The following SKA2 variants were observed in gnomAD, a reference collection of about 807,000 sequenced individuals.
SKA2 encodes spindle and kinetochore-associated protein 2.
SKA2 carries 13 observed loss-of-function variants against 16.9 expected under a neutral mutation model. The observed-to-expected ratio is 0.77, with a 90% CI of 0.50 to 1.22. SKA2 has a LOEUF of 1.22. SKA2 is among the 50% of genes most tolerant of loss of function. SKA2 has a pLI of 0.00. For missense variants in SKA2, 107 were observed against 139.7 expected (o/e 0.77, Z 1.18); for synonymous variants, 47 against 48.5 (o/e 0.97, Z 0.13).
At chr17:59,150,585 A>C (rs887595679) in intron 1 of SKA2, among the ~76,000 whole-genome samples, 4 of 152,148 alleles carry the variant, frequency 2.6e-5, no homozygotes, top group Non-Finnish European at 4.4e-5. Context: ...AAAAATTTCA[A>C]GAAAATATTA....
chr17:59,122,249 G>A (rs1418598677), intron 2 of SKA2, among the ~76,000 whole-genome samples: 1 of 152,156 alleles, frequency 6.6e-6, no homozygotes, highest in East Asian at 1.9e-4. Flanking sequence ...CAAGGCGGGA[G>A]GATCGCTTGA....
At chr17:59,152,321 C>A (rs1256515879) in intron 1 of SKA2, among the ~76,000 whole-genome samples, 1 of 152,112 alleles carries the variant, frequency 6.6e-6, no homozygotes, top group Non-Finnish European at 1.5e-5. Context: ...TCCAATTCAA[C>A]TACTTAGTCG....
At chr17:59,140,347 G>T (rs1426592463) in intron 1 of SKA2, among the ~76,000 whole-genome samples, 1 of 151,956 alleles carries the variant, frequency 6.6e-6, no homozygotes, top group African/African-American at 2.4e-5. Flanking sequence ...TCCTGCCTCA[G>T]CCTCCCGAGT....
intron 3 of SKA2, among the ~76,000 whole-genome samples, chr17:59,115,257 C>T (rs1038691667): frequency 7.9e-5 from 12 of 151,876 alleles, no homozygotes; most frequent in African/African-American, 2.4e-4. Context: ...GGGGTTTCAC[C>T]GTGTTGGCCA....
At chr17:59,151,037 T>G in intron 1 of SKA2, 1 of 423,424 alleles carries the variant, frequency 2.4e-6, no homozygotes, top group Non-Finnish European at 4.8e-6. Flanking sequence ...GATATACTGT[T>G]AGTAACAACA....
chr17:59,141,643 G>A (rs2046490748), intron 1 of SKA2, among the ~76,000 whole-genome samples: 1 of 150,930 alleles, frequency 6.6e-6, no homozygotes, highest in Non-Finnish European at 1.5e-5. Flanking sequence ...AAATAGGCTT[G>A]AGCCCGGGAG....
chr17:59,146,440 A>C (rs2046533110), intron 1 of SKA2, among the ~76,000 whole-genome samples: 1 of 152,188 alleles, frequency 6.6e-6, no homozygotes, highest in African/African-American at 2.4e-5. Context: ...CGGAGGTTGC[A>C]GTGAGCCAAG....
At chr17:59,120,167 C>T (rs1452117597) in intron 2 of SKA2, among the ~76,000 whole-genome samples, 1 of 152,084 alleles carries the variant, frequency 6.6e-6, no homozygotes, top group African/African-American at 2.4e-5. Context: ...CTCAACCTCC[C>T]AAAGTGCTGG....
intron 1 of SKA2, among the ~76,000 whole-genome samples, chr17:59,144,197 A>G (rs2046514250): frequency 1.3e-5 from 2 of 151,974 alleles, no homozygotes; most frequent in African/African-American, 4.8e-5. Flanking sequence ...ATCTCAAGGA[A>G]AAAAAGTGTT....
chr17:59,141,140 T>C (rs1447380261), intron 1 of SKA2, among the ~76,000 whole-genome samples: 1 of 151,968 alleles, frequency 6.6e-6, no homozygotes, highest in Non-Finnish European at 1.5e-5. Flanking sequence ...GGCGCATGCC[T>C]ATAACCCCAG....
chr17:59,128,837 A>C (rs2046389624), intron 2 of SKA2, among the ~76,000 whole-genome samples: 1 of 152,098 alleles, frequency 6.6e-6, no homozygotes, highest in South Asian at 2.1e-4. Flanking sequence ...TGAAAATGTT[A>C]TTGTGGCAAT....
Position 59,112,314 on chromosome 17 carries a change from G to A in SKA2, c.329C>T (p.Ala110Val), listed in dbSNP as rs370187685. The A allele has an allele frequency of 1.1e-5, 17 of 1,610,468 alleles. No homozygotes were observed. In the Admixed American group the frequency reaches 1.5e-4, roughly 14 times the overall value. Residue 110 changes from alanine to valine, a missense_variant, in exon 4 of 4, where the codon GCG (alanine) becomes GTG (valine). Ala to Val is a moderately conservative substitution (Grantham distance 64). Transcript: ENST00000330137. Reference sequence around the variant, plus strand: ...CATGTGAAATTTGAATTGCTCTGCCGCAGTTTTCTCTTCTTTAGTCAGTGG... The same window carrying A: ...CATGTGAAATTTGAATTGCTCTGCCACAGTTTTCTCTTCTTTAGTCAGTGG... ...LSPLTKEEKTAAEQFKFHMPD... is the reference protein window; with the variant it reads ...LSPLTKEEKTVAEQFKFHMPD...
At chr17:59,131,456 A>C in intron 1 of SKA2, 89 bp from the exon 2 acceptor site, 1 of 832,682 alleles carries the variant, frequency 1.2e-6, no homozygotes, top group Non-Finnish European at 1.8e-6. Flanking sequence ...TACATTTGTT[A>C]GTATTTCAAT....
intron 3 of SKA2, chr17:59,118,161 G>A (rs2046309293): frequency 6.6e-6 from 1 of 152,300 alleles, no homozygotes; most frequent in African/African-American, 2.4e-5. Context: ...AGCTATTCCG[G>A]AGGCTGAGGC....
intron 1 of SKA2, among the ~76,000 whole-genome samples, chr17:59,149,052 C>G (rs745526255): frequency 3.3e-5 from 5 of 151,974 alleles, no homozygotes; most frequent in Non-Finnish European, 5.9e-5. Flanking sequence ...AAACTAGAAC[C>G]CTTATCAATA....
chr17:59,128,955 C>T (rs969259386), intron 2 of SKA2, among the ~76,000 whole-genome samples: 1 of 151,618 alleles, frequency 6.6e-6, no homozygotes, highest in African/African-American at 2.4e-5. Context: ...TAAAAAGTTG[C>T]AGGAAAAAAA....
intron 1 of SKA2, among the ~76,000 whole-genome samples, chr17:59,148,808 C>CAAAAAAAAAAAAAA (rs758187008): frequency 2.9e-3 from 136 of 47,446 alleles, no homozygotes; most frequent in East Asian, 3.7e-3. Context: ...GACCCTGTCT[C>CAAAAAAAAAAAAAA]AAAAAAAAAA....
intron 3 of SKA2, among the ~76,000 whole-genome samples, chr17:59,115,595 G>A (rs1161441254): frequency 1.3e-5 from 2 of 151,810 alleles, no homozygotes; most frequent in African/African-American, 2.4e-5. Flanking sequence ...TTGCTTTTTC[G>A]TTTTGTTTTT....
At chr17:59,143,346 G>C (rs956544534) in intron 1 of SKA2, among the ~76,000 whole-genome samples, 7 of 151,728 alleles carry the variant, frequency 4.6e-5, no homozygotes, top group Non-Finnish European at 1.0e-4. Flanking sequence ...TGAGATTACA[G>C]GCCCCTACCA....
Sources: gnomAD v4.1 joint callset for allele counts (sites outside exome capture counted in the v4.1 genomes callset) on GRCh38, gnomAD v4.1.1 for gene constraint, MANE v1.5 for transcripts, NCBI Gene and HGNC (gene_info 2026-07-23, HGNC 2026-07-21) for gene names.